The following CDK5RAP3 variants were observed in gnomAD, a reference collection of about 807,000 sequenced individuals.
CDK5RAP3 encodes CDK5 regulatory subunit associated protein 3.
A neutral mutation model predicts 73.3 loss-of-function variants in CDK5RAP3; 58 were observed. The observed-to-expected ratio is 0.79, with a 90% confidence interval of 0.64 to 0.98. CDK5RAP3 has a LOEUF of 0.98. Ranked by LOEUF, CDK5RAP3 falls within the 50% of genes least tolerant of loss-of-function variation. The probability of loss-of-function intolerance (pLI) is 0.00; values close to 1 mark genes in which losing one functional copy is unlikely to be tolerated. For missense variants in CDK5RAP3, 525 were observed against 615.8 expected (o/e 0.85, Z 1.56); for synonymous variants, 224 against 247.5 (o/e 0.91, Z 0.89).
upstream of CDK5RAP3, among the ~76,000 whole-genome samples, chr17:47,970,313 A>G (rs984037828): frequency 6.6e-6 from 1 of 152,152 alleles, no homozygotes; most frequent in East Asian, 1.9e-4. Context: ...CTGCCCGCGG[A>G]GCCGACTTCA....
At chr17:47,970,780 C>A (rs1326234814), upstream of CDK5RAP3, 3 of 1,497,192 alleles carry the variant, frequency 2.0e-6, no homozygotes, top group African/African-American at 1.4e-5. Flanking sequence ...ACGTCTCAAT[C>A]TGCGTGGAGA....
rs753063656 is a variant in CDK5RAP3 at position 47,975,643 on chromosome 17, G to A, written c.643G>A (p.Val215Met). Reference protein sequence around the residue: ...IDVYQASVGFVCESPTEQVLP... With the variant: ...IDVYQASVGFMCESPTEQVLP... Reference sequence around the variant, plus strand: ...CGTGTACCAGGCGTCTGTGGGGTTTGTGTGTGAGAGGTAGAGAGGCCTCAG... The same window carrying A: ...CGTGTACCAGGCGTCTGTGGGGTTTATGTGTGAGAGGTAGAGAGGCCTCAG... Residue 215 changes from valine (V) to methionine (M), a missense_variant, in exon 7 of 14, where the codon GTG (valine) becomes ATG (methionine). Around this residue, in one of 2 missense-constraint regions of CDK5RAP3, gnomAD observed 409 missense variants for 429.8 expected, o/e 0.95. Coordinates refer to ENST00000338399, the MANE Select transcript of CDK5RAP3 (RefSeq NM_176096.3). 3 of 1,600,650 alleles carry A rather than the reference G, an allele frequency of 1.9e-6. No individual in the cohort carries two copies. The highest frequency in any genetic ancestry group is 1.7e-5 in the Admixed American group (1 of 59,756).
chr17:47,976,645 T>G, intron 8 of CDK5RAP3, 67 bp from the exon 9 acceptor site: 13 of 1,102,076 alleles, frequency 1.2e-5, no homozygotes, highest in Non-Finnish European at 1.7e-5. Flanking sequence ...GTTACAGACA[T>G]GAGCCACCAT....
intron 8 of CDK5RAP3, among the ~76,000 whole-genome samples, 173 bp downstream of exon 8, chr17:47,976,186 G>A (rs1856014682): frequency 6.6e-6 from 1 of 152,156 alleles, no homozygotes. Flanking sequence ...GAGTATAGGT[G>A]AGTGAGTGCC....
intron 9 of CDK5RAP3, 71 bp from the exon 10 acceptor site, chr17:47,977,761 T>G: frequency 7.7e-7 from 1 of 1,299,438 alleles, no homozygotes; most frequent in Non-Finnish European, 1.1e-6. Context: ...ATCAAGGGCT[T>G]TGGTTTATTC....
At chr17:47,976,147 C>T in intron 8 of CDK5RAP3, 134 bp downstream of exon 8, 3 of 1,105,024 alleles carry the variant, frequency 2.7e-6, no homozygotes, top group East Asian at 2.6e-5. Context: ...GGTAGAAGGG[C>T]CCAGGAGGCC....
At chr17:47,970,730 G>A, upstream of CDK5RAP3, 3 of 1,535,062 alleles carry the variant, frequency 2.0e-6, no homozygotes, top group Non-Finnish European at 2.6e-6. Flanking sequence ...GAAGGTATTT[G>A]CAACGGCCTC....
Position 47,981,321 on chromosome 17 carries a change from A to T in CDK5RAP3, c.1442A>T (p.Glu481Val). ...KLDLLLEKTK[E>V]LQKLIEADIS... is the part of the protein sequence containing the mutation. ...GACCTGCTACTGGAGAAGACCAAGG[A>T]GCTGCAGAAGCTGGTGAGATGGGAA... Residue 481 changes from glutamate to valine, a missense_variant, in exon 13 of 14, where the codon GAG (glutamate) becomes GTG (valine). By Grantham distance (121) the Glu-to-Val change is moderately radical. Around this residue, in one of 2 missense-constraint regions of CDK5RAP3, gnomAD observed 116 missense variants for 186.1 expected, o/e 0.62. Coordinates refer to ENST00000338399, the MANE Select transcript of CDK5RAP3 (RefSeq NM_176096.3). 1 of 1,614,134 alleles carries T rather than the reference A, an allele frequency of 6.2e-7. No individual in the cohort carries two copies. The highest frequency in any genetic ancestry group is 1.1e-5 in the South Asian group (1 of 91,082).
At chr17:47,978,603 T>C in intron 10 of CDK5RAP3, 2 of 540,328 alleles carry the variant, frequency 3.7e-6, no homozygotes, top group Non-Finnish European at 3.3e-6. Context: ...TTTCTACCCC[T>C]CTGAACCCAG....
intron 12 of CDK5RAP3, 88 bp downstream of exon 12, chr17:47,980,886 C>A: frequency 7.4e-7 from 1 of 1,346,266 alleles, no homozygotes; most frequent in Non-Finnish European, 1.1e-6. Context: ...CCCCTTAAAC[C>A]CCATCCCTGC....
chr17:47,977,148 TTTTG>T (rs1303869350), intron 9 of CDK5RAP3, among the ~76,000 whole-genome samples: 1 of 147,674 alleles, frequency 6.8e-6, no homozygotes, highest in Non-Finnish European at 1.5e-5. Flanking sequence ...TAATTTTTTA[TTTTG>T]TTTGTTTGTT....
At chr17:47,974,333 G>A in intron 4 of CDK5RAP3, 67 bp from the exon 5 acceptor site, 1 of 1,320,840 alleles carries the variant, frequency 7.6e-7, no homozygotes, top group Non-Finnish European at 1.1e-6. Context: ...CCCTGTTTAG[G>A]GATTGAGCTG....
intron 2 of CDK5RAP3, among the ~76,000 whole-genome samples, chr17:47,971,683 A>C (rs939076300): frequency 1.3e-5 from 2 of 152,148 alleles, no homozygotes; most frequent in Non-Finnish European, 2.9e-5. Flanking sequence ...AAAACAGTCA[A>C]CCACTGCCGG....
At chr17:47,974,537 T>G in intron 5 of CDK5RAP3, 89 bp downstream of exon 5, 1 of 1,607,878 alleles carries the variant, frequency 6.2e-7, no homozygotes, top group Non-Finnish European at 8.5e-7. Context: ...AGGCACAGTC[T>G]GTGAGTGGGA....
chr17:47,971,431 G>C, intron 2 of CDK5RAP3, 24 bp downstream of exon 2: 4 of 1,582,748 alleles, frequency 2.5e-6, no homozygotes, highest in Non-Finnish European at 3.4e-6. Flanking sequence ...CCACCGCGCA[G>C]CTGGCTGTCG....
rs779846561 is a variant in CDK5RAP3, at chr17:47,971,393, C to T, written c.38C>T (p.Thr13Ile). 3 of 1,608,950 alleles carry T rather than the reference C, an allele frequency of 1.9e-6. No homozygotes were observed. The highest frequency in any genetic ancestry group is 2.5e-6 in the Non-Finnish European group (3 of 1,177,810). The change falls in exon 2 of 14, where the codon ACC becomes ATC. Residue 13 changes from threonine to isoleucine, a missense_variant. Physicochemically the swap from Thr to Ile is moderately conservative, Grantham distance 89. Transcript: ENST00000338399. ...DHQHVPIDIQTSKLLDWLVDR... is the reference protein window; with the variant it reads ...DHQHVPIDIQISKLLDWLVDR... ...CAGCACGTGCCCATCGACATCCAGA[C>T]CAGCAAGCTGCTCGGTAGGAGGGGG...
chr17:47,971,123 G>A lies in CDK5RAP3; in HGVS notation c.-24G>A. 1 of 1,551,766 alleles carries A rather than the reference G, an allele frequency of 6.4e-7. No homozygotes were observed. The highest frequency in any genetic ancestry group is 8.7e-7 in the Non-Finnish European group (1 of 1,147,012). ...AGGGCGGGGCGGGCCACAGTCTCCAGCCTGAAGCGGAAGTGGAGGAAAGAT... is the reference window on the plus strand; with the variant it reads ...AGGGCGGGGCGGGCCACAGTCTCCAACCTGAAGCGGAAGTGGAGGAAAGAT... On this transcript the variant is annotated 5_prime_UTR_variant, in exon 1 of 14. Coordinates refer to ENST00000338399, the MANE Select transcript of CDK5RAP3 (RefSeq NM_176096.3).
In CDK5RAP3 at chr17:47,981,287, C is replaced by G; in HGVS notation, c.1408C>G (p.Pro470Ala). ...EALEEQAALE[P>A]KLDLLLEKTK... ...ACTTGAGGAGCAGGCGGCTCTGGAG[C>G]CTAAGCTGGACCTGCTACTGGAGAA... Residue 470 changes from proline to alanine, a missense_variant, in exon 13 of 14, where the codon CCT (proline) becomes GCT (alanine). Coordinates refer to ENST00000338399, the MANE Select transcript of CDK5RAP3 (RefSeq NM_176096.3). 1.9e-6 allele frequency: 3 copies of G among 1,614,184 alleles called. No individual in the cohort carries two copies. The highest frequency in any genetic ancestry group is 2.5e-6 in the Non-Finnish European group (3 of 1,180,034).
Position 47,975,865 on chromosome 17 carries a change from G to A in CDK5RAP3, c.654-4G>A, listed in dbSNP as rs746001643. 6.2e-7 allele frequency: 1 copy of A among 1,613,488 alleles called. No homozygotes were observed. Among genetic ancestry groups the A allele is most frequent in the Admixed American group, 1.7e-5 (1 of 59,976 alleles). On this transcript the variant is annotated splice_polypyrimidine_tract_variant and splice_region_variant and intron_variant, in intron 7 of 13. Transcript: ENST00000338399. ...AGGAGAGTCAGTTGTGTGCTCTGTT[G>A]AAGCCCCACAGAGCAGGTGTTGCCA...
Sources: gnomAD v4.1 joint callset for allele counts (sites outside exome capture counted in the v4.1 genomes callset) on GRCh38, gnomAD v4.1.1 for gene constraint, gnomAD v4.1.1 regional missense constraint, MANE v1.5 for transcripts, NCBI Gene and HGNC (gene_info 2026-07-23, HGNC 2026-07-21) for gene names.